Variants in EFHD1 observed in about 807,000 individuals in gnomAD.
EFHD1 encodes the protein EF-hand domain-containing protein D1.
A neutral mutation model predicts 17.2 loss-of-function variants in EFHD1; 10 were observed. The ratio of observed to expected loss-of-function variants is 0.58; its 90% CI spans 0.36 to 0.99. EFHD1 has a LOEUF of 0.99. Among genes scored for constraint, EFHD1 ranks in the 50% least tolerant of loss-of-function variants. The pLI is 0.01. For missense variants in EFHD1, 310 were observed against 327.5 expected (o/e 0.95, Z 0.41); for synonymous variants, 153 against 142.0 (o/e 1.08, Z -0.55).
intron 1 of EFHD1, chr2:232,638,473 A>G (rs997648019): frequency 8.5e-6 from 4 of 471,080 alleles, no homozygotes; most frequent in Non-Finnish European, 1.8e-5. Flanking sequence ...GACACCAGTG[A>G]AACCCAAAAA....
At chr2:232,642,010 C>T (rs1694441255) in intron 1 of EFHD1, among the ~76,000 whole-genome samples, 1 of 152,174 alleles carries the variant, frequency 6.6e-6, no homozygotes, top group African/African-American at 2.4e-5. Flanking sequence ...TAACACTCCC[C>T]ACCCTAGGAA....
intron 1 of EFHD1, among the ~76,000 whole-genome samples, chr2:232,619,512 T>A (rs764575826): frequency 6.6e-6 from 1 of 151,978 alleles, no homozygotes; most frequent in Non-Finnish European, 1.5e-5. Flanking sequence ...GGTTTCACCA[T>A]GTTGGCCAGG....
rs143273625 is a variant in EFHD1 at position 232,628,565 on chromosome 2, GC to G, written c.14+22393del. 4.1e-3 allele frequency among the ~76,000 whole-genome samples: 624 copies of G among 152,218 alleles called. 5 individuals are homozygous for G. Among genetic ancestry groups the G allele is most frequent in the African/African-American group, 0.014 (593 of 41,528 alleles). On this transcript the variant is annotated intron_variant, in intron 1 of 3. Coordinates refer to the EFHD1 transcript ENST00000409613. ...GTTCATTCTGACTTCTTTGTGACTT[GC>G]AGATCAGACTTTCCCACAGGACTCA... is the stretch of plus-strand genomic sequence containing the variant.
intron 1 of EFHD1, among the ~76,000 whole-genome samples, chr2:232,613,809 C>A (rs1413255831): frequency 7.6e-6 from 1 of 131,440 alleles, no homozygotes; most frequent in East Asian, 3.1e-4. Context: ...CAAAAATATA[C>A]ACACATATAC....
At chr2:232,618,743 A>G (rs1693969056) in intron 1 of EFHD1, among the ~76,000 whole-genome samples, 1 of 130,200 alleles carries the variant, frequency 7.7e-6, no homozygotes, top group Non-Finnish European at 1.8e-5. Context: ...AAAAATTTTG[A>G]AAAAAGGGAA....
intron 1 of EFHD1, among the ~76,000 whole-genome samples, chr2:232,654,469 G>GACAT (rs1293810294): frequency 1.9e-4 from 27 of 144,130 alleles, no homozygotes; most frequent in African/African-American, 6.2e-4. Context: ...CACCCAGGGT[G>GACAT]GAGTGCAGTG....
At chr2:232,677,316 T>A (rs778216371) in intron 3 of EFHD1, among the ~76,000 whole-genome samples, 2 of 151,710 alleles carry the variant, frequency 1.3e-5, no homozygotes, top group Non-Finnish European at 2.9e-5. Context: ...CATCTTTCTA[T>A]ATAAGCATAA....
chr2:232,607,762 A>G (rs1011190637), intron 1 of EFHD1, among the ~76,000 whole-genome samples: 53 of 149,268 alleles, frequency 3.6e-4, no homozygotes, highest in Non-Finnish European at 5.5e-4. Context: ...TCAAAAAAAA[A>G]GGAAAGAAAA....
chr2:232,615,684 CTTTTTT>C (rs34266488), intron 1 of EFHD1, among the ~76,000 whole-genome samples: 2 of 109,014 alleles, frequency 1.8e-5, no homozygotes, highest in Non-Finnish European at 3.6e-5. Context: ...TTTTCTTTTC[CTTTTTT>C]TTTTTTTTTT....
At position 232,621,344 on chromosome 2, in the gene EFHD1, ACAGGGACACAGCGG is replaced by A. The variant is rs1374775545; in HGVS notation, c.14+15175_14+15188del. 1.1e-4 allele frequency among the ~76,000 whole-genome samples: 16 copies of A among 152,312 alleles called. 1 individual carries two copies. The highest frequency in any genetic ancestry group is 5.2e-4 in the Admixed American group (8 of 15,288). On this transcript the variant is annotated intron_variant, in intron 1 of 3. Transcript: ENST00000409613. Reference sequence around the variant, plus strand: ...CGCCACCTGTGCTGAGCCTGTAGCAACAGGGACACAGCGGCAGAGTGACATTTACTGAACAGCTA... The same window carrying A: ...CGCCACCTGTGCTGAGCCTGTAGCAACAGAGTGACATTTACTGAACAGCTA...
intron 3 of EFHD1, among the ~76,000 whole-genome samples, chr2:232,674,359 T>C (rs1179012036): frequency 6.6e-6 from 1 of 152,250 alleles, no homozygotes; most frequent in East Asian, 1.9e-4. Flanking sequence ...AAAAATGAGA[T>C]GCAGCTGCGT....
chr2:232,674,331 C>T (rs975989944), intron 3 of EFHD1, among the ~76,000 whole-genome samples: 3 of 152,222 alleles, frequency 2.0e-5, no homozygotes, highest in African/African-American at 2.4e-5. Flanking sequence ...CACACATTTG[C>T]ACACTCTGCA....
chr2:232,609,963 T>G (rs1201204633), intron 1 of EFHD1, among the ~76,000 whole-genome samples: 1 of 152,112 alleles, frequency 6.6e-6, no homozygotes, highest in Non-Finnish European at 1.5e-5. Context: ...GGTTGCTCCC[T>G]GTGGAATGAC....
rs1044756494 is a variant in EFHD1, at chr2:232,663,059, C to T, written c.450+110C>T. ...TTTGGCCTCTCCAGAGCGCTGTTTGCGTATCTAACCTGCAATTCCGCTTTC... is the reference window on the plus strand; with the variant it reads ...TTTGGCCTCTCCAGAGCGCTGTTTGTGTATCTAACCTGCAATTCCGCTTTC... On this transcript the variant is annotated intron_variant, in intron 2 of 3. Coordinates refer to ENST00000264059, the MANE Select transcript of EFHD1 (RefSeq NM_025202.4). 3.3e-4 allele frequency: 412 copies of T among 1,230,080 alleles called. 3 individuals are homozygous for T. Among genetic ancestry groups the T allele is most frequent in the Middle Eastern group, 7.4e-4 (3 of 4,056 alleles). The allele number at this position is 1,230,080 out of a possible 1,614,324, so 76.2% of individuals were successfully genotyped here.
chr2:232,672,072 T>G (rs1695080451), intron 2 of EFHD1, among the ~76,000 whole-genome samples: 1 of 150,804 alleles, frequency 6.6e-6, no homozygotes, highest in Non-Finnish European at 1.5e-5. Context: ...AAAAAAAAAG[T>G]TTGAATCGGT....
At chr2:232,609,020 CA>C (rs1249825751) in intron 1 of EFHD1, among the ~76,000 whole-genome samples, 4 of 141,006 alleles carry the variant, frequency 2.8e-5, no homozygotes, top group African/African-American at 1.2e-4. Flanking sequence ...ATTACAAGAC[CA>C]AAAAAATGTT....
chr2:232,639,965 C>G (rs1303948424), intron 1 of EFHD1, among the ~76,000 whole-genome samples: 1 of 152,208 alleles, frequency 6.6e-6, no homozygotes, highest in Non-Finnish European at 1.5e-5. Context: ...TCGTGACTCA[C>G]CACACTTGGC....
At chr2:232,654,416 C>T (rs145373129) in intron 1 of EFHD1, among the ~76,000 whole-genome samples, 3 of 94,614 alleles carry the variant, frequency 3.2e-5, no homozygotes, top group African/African-American at 4.1e-5. Flanking sequence ...TTCTTTCTTT[C>T]TTTTTTTTTT....
intron 1 of EFHD1, among the ~76,000 whole-genome samples, chr2:232,662,195 G>A (rs553245820): frequency 6.6e-6 from 1 of 152,232 alleles, no homozygotes; most frequent in South Asian, 2.1e-4. Flanking sequence ...CCCTGTTAGA[G>A]GACAGAGTCA....
Sources: gnomAD v4.1 joint callset for allele counts (sites outside exome capture counted in the v4.1 genomes callset) on GRCh38, gnomAD v4.1.1 for gene constraint, MANE v1.5 for transcripts, NCBI Gene and HGNC (gene_info 2026-07-23, HGNC 2026-07-21) for gene names.